The following SHC3 variants were observed in gnomAD, a reference collection of about 807,000 sequenced individuals.
SHC3 encodes the protein SHC adaptor protein 3.
In SHC3, 15 loss-of-function variants were observed where a neutral mutation model predicts 60.4. The ratio of observed to expected loss-of-function variants is 0.25; its 90% CI spans 0.17 to 0.38. SHC3 has a LOEUF of 0.38. SHC3 is among the 10% of genes least tolerant of loss of function. The pLI, the probability that SHC3 is intolerant of heterozygous loss-of-function variation, is 1.00. For synonymous variants in SHC3, 294 were observed against 325.9 expected, an observed-to-expected ratio of 0.90 and a Z score of 1.05; for missense variants, 677 against 786.1, an observed-to-expected ratio of 0.86 and a Z score of 1.66.
At position 89,013,507 on chromosome 9, in the gene SHC3, C is replaced by G. The variant is rs966944734; in HGVS notation, c.1725G>C (p.Leu575=). 2.5e-6 allele frequency: 4 copies of G among 1,613,914 alleles called. No homozygotes were observed. Among genetic ancestry groups the G allele is most frequent in the African/African-American group, 2.7e-5 (2 of 74,914 alleles). ...HLINHHLESS[L]PIVSAGSELC... ...GCTCACTCCCTGCAGAGACAATGGG[C>G]AGGCTGCTTTCTAGGTGGTGGTTGA... is the stretch of plus-strand genomic sequence containing the variant. Residue 575 remains leucine, a synonymous_variant, in exon 12 of 12, where the codon CTG becomes CTC. Coordinates refer to ENST00000375835, the MANE Select transcript of SHC3 (RefSeq NM_016848.6).
Position 89,013,334 on chromosome 9 carries a change from T to A in SHC3, c.*113A>T, listed in dbSNP as rs1826038434. On this transcript the variant is annotated 3_prime_UTR_variant, in exon 12 of 12. Coordinates refer to ENST00000375835, the MANE Select transcript of SHC3 (RefSeq NM_016848.6). The stretch of plus-strand genomic sequence containing the variant: ...TAAAGGAAGCCTTCCTTTTGAAGCT[T>A]TTGAAGAAGGCTCTGAGCCACAGGC... 1 of 1,302,212 alleles carries A rather than the reference T, an allele frequency of 7.7e-7. No individual in the cohort carries two copies. Among genetic ancestry groups the A allele is most frequent in the Admixed American group, 2.7e-5 (1 of 36,440 alleles). 80.7% of individuals were successfully genotyped at this position (1,302,212 alleles called of 1,614,324 possible). A position where few individuals can be genotyped will look rare whatever the true frequency, so the allele number is the denominator to read the frequency against.
intron 4 of SHC3, among the ~76,000 whole-genome samples, chr9:89,073,647 A>G (rs754555140): frequency 6.6e-6 from 1 of 152,214 alleles, no homozygotes; most frequent in Non-Finnish European, 1.5e-5. Context: ...AGGGCAGGAA[A>G]ACATGAACTG....
intron 5 of SHC3, 52 bp downstream of exon 5, chr9:89,071,147 C>T (rs1825263799): frequency 1.3e-6 from 2 of 1,558,242 alleles, no homozygotes; most frequent in Non-Finnish European, 1.8e-6. Flanking sequence ...AGCAGGGGTC[C>T]CTTCTCAGAA....
At chr9:89,125,859 A>G (rs1471017298) in intron 1 of SHC3, among the ~76,000 whole-genome samples, 1 of 152,226 alleles carries the variant, frequency 6.6e-6, no homozygotes, top group East Asian at 1.9e-4. Flanking sequence ...CCCATTGTTC[A>G]GCAAATAATC....
intron 1 of SHC3, among the ~76,000 whole-genome samples, chr9:89,124,146 T>A (rs989860342): frequency 6.6e-6 from 1 of 151,336 alleles, no homozygotes; most frequent in African/African-American, 2.4e-5. Context: ...TGAGATACCA[T>A]CTCATGCCAG....
intron 11 of SHC3, among the ~76,000 whole-genome samples, chr9:89,028,168 CAT>C (rs1219144164): frequency 2.0e-5 from 3 of 152,204 alleles, no homozygotes; most frequent in Non-Finnish European, 4.4e-5. Context: ...CACGCCCACA[CAT>C]GTCATTCCCT....
chr9:89,112,719 C>T (rs1825968102), intron 1 of SHC3, 93 bp from the exon 2 acceptor site: 4 of 1,082,704 alleles, frequency 3.7e-6, no homozygotes, highest in Non-Finnish European at 5.2e-6. Context: ...GAGCCATACA[C>T]ATTTCTTAAA....
At chr9:89,145,485 C>T (rs943288261) in intron 1 of SHC3, among the ~76,000 whole-genome samples, 2 of 152,134 alleles carry the variant, frequency 1.3e-5, no homozygotes, top group African/African-American at 4.8e-5. Flanking sequence ...AGGAATCAAC[C>T]ACAGTGAACA....
rs1825964555 is a variant in SHC3 at position 89,007,967 on chromosome 9, G to A, written c.*5480C>T. 1 of 152,244 alleles carries A rather than the reference G, an allele frequency of 6.6e-6. No individual in the cohort carries two copies. Among genetic ancestry groups the A allele is most frequent in the Non-Finnish European group, 1.5e-5 (1 of 68,080 alleles). The allele number at this position is 152,244 out of a possible 1,614,324, so 9.4% of individuals were successfully genotyped here. On this transcript the variant is annotated 3_prime_UTR_variant, in exon 12 of 12. Coordinates refer to ENST00000375835, the MANE Select transcript of SHC3 (RefSeq NM_016848.6). ...CTTCCTACTTAGCTGTAAAACCAAA[G>A]CCCAGGGAGGAGTCCCAAGGTGCAC...
At chr9:89,030,522 T>TGAAG (rs1824469822) in intron 11 of SHC3, among the ~76,000 whole-genome samples, 1 of 152,180 alleles carries the variant, frequency 6.6e-6, no homozygotes, top group Admixed American at 6.5e-5. Flanking sequence ...TGAATAGACC[T>TGAAG]ATAACAAGTG....
chr9:89,112,835 C>T (rs937400771), intron 1 of SHC3, among the ~76,000 whole-genome samples: 20 of 152,252 alleles, frequency 1.3e-4, no homozygotes, highest in African/African-American at 4.3e-4. Flanking sequence ...TGGCACTACA[C>T]TGGATTTTTC....
At chr9:89,089,953 A>G (rs567032456) in intron 2 of SHC3, among the ~76,000 whole-genome samples, 1 of 152,262 alleles carries the variant, frequency 6.6e-6, no homozygotes, top group East Asian at 1.9e-4. Flanking sequence ...CTAGAGGAAA[A>G]ACACTAAACT....
chr9:89,058,584 G>A (rs559710006), intron 6 of SHC3, among the ~76,000 whole-genome samples: 6 of 150,994 alleles, frequency 4.0e-5, no homozygotes, highest in Non-Finnish European at 7.4e-5. Flanking sequence ...TGGAGGATGT[G>A]GTGGAGGATG....
intron 1 of SHC3, among the ~76,000 whole-genome samples, chr9:89,171,247 G>A (rs202055855): frequency 7.4e-6 from 1 of 134,958 alleles, no homozygotes; most frequent in Non-Finnish European, 1.6e-5. Context: ...TTTTTTTTTT[G>A]AAAAAAACAG....
At chr9:89,107,910 A>T (rs1473242153) in intron 2 of SHC3, among the ~76,000 whole-genome samples, 1 of 152,248 alleles carries the variant, frequency 6.6e-6, no homozygotes, top group Admixed American at 6.5e-5. Flanking sequence ...GAAATATCAT[A>T]ATCAAGTACA....
Position 89,153,503 on chromosome 9 carries a change from C to G in SHC3, c.474+24484G>C, listed in dbSNP as rs569423367. ...ACTCCTCCCTGGTTATCACTTTGTC[C>G]TTTGCCTTTTGTGATTGGCTCATGC... is the stretch of plus-strand genomic sequence containing the variant. On this transcript the variant is annotated intron_variant, in intron 1 of 11. Transcript: ENST00000375835. Among the ~76,000 whole-genome samples, 106 of 152,330 alleles carry G rather than the reference C, an allele frequency of 7.0e-4. No individual in the cohort carries two copies. The South Asian group carries it at 8.5e-3, about 12-fold the overall frequency.
intron 9 of SHC3, among the ~76,000 whole-genome samples, chr9:89,042,550 G>C (rs1437929366): frequency 6.6e-6 from 1 of 152,224 alleles, no homozygotes; most frequent in East Asian, 1.9e-4. Flanking sequence ...TAACTGAGCA[G>C]AAGGACCACA....
chr9:89,080,891 C>G (rs2118026340), intron 2 of SHC3, among the ~76,000 whole-genome samples: 1 of 151,772 alleles, frequency 6.6e-6, no homozygotes, highest in South Asian at 2.1e-4. Flanking sequence ...CTCAGCCTCC[C>G]AAGTAGCTGG....
intron 1 of SHC3, among the ~76,000 whole-genome samples, chr9:89,149,495 A>C (rs1179479479): frequency 6.6e-6 from 1 of 152,254 alleles, no homozygotes; most frequent in South Asian, 2.1e-4. Context: ...CCCTCTTCCT[A>C]AGACCTTTTC....
Sources: gnomAD v4.1 joint callset for allele counts (sites outside exome capture counted in the v4.1 genomes callset) on GRCh38, gnomAD v4.1.1 for gene constraint, MANE v1.5 for transcripts, NCBI Gene and HGNC (gene_info 2026-07-23, HGNC 2026-07-21) for gene names.